The following GLIS3 variants were observed in gnomAD, a reference collection of about 807,000 sequenced individuals.
The protein encoded by GLIS3 is GLIS family zinc finger 3.
A neutral mutation model predicts 78.6 loss-of-function variants in GLIS3; 53 were observed. That is an observed-to-expected ratio of 0.67 (90% confidence interval 0.54 to 0.85). GLIS3 has a LOEUF of 0.85. GLIS3 is among the 40% of genes least tolerant of loss of function. The probability of loss-of-function intolerance (pLI) is 0.00; values close to 1 mark genes in which losing one functional copy is unlikely to be tolerated. For synonymous variants in GLIS3, 684 were observed against 509.9 expected (o/e 1.34, Z -4.60); for missense variants, 1,703 against 1,231.1 (o/e 1.38, Z -5.74).
chr9:4,457,733 C>T, the GLIS3 span, among the ~76,000 whole-genome samples: 1 of 151,738 alleles, frequency 6.6e-6, no homozygotes, highest in Non-Finnish European at 1.5e-5. Context: ...ATCTGTAGTC[C>T]CAGCTATTCG....
the GLIS3 span, among the ~76,000 whole-genome samples, chr9:4,373,914 C>A: frequency 6.6e-6 from 1 of 152,150 alleles, no homozygotes; most frequent in Non-Finnish European, 1.5e-5. Context: ...GATCTGCCTG[C>A]CTCGGCCTCC....
intron 1 of GLIS3, among the ~76,000 whole-genome samples, chr9:4,297,318 T>A (rs1202144748): frequency 1.3e-5 from 2 of 152,146 alleles, no homozygotes; most frequent in Non-Finnish European, 2.9e-5. Flanking sequence ...CCTGAGAACT[T>A]TAAGGGTCTG....
chr9:4,272,927 T>A (rs1826649135), intron 2 of GLIS3, among the ~76,000 whole-genome samples: 2 of 152,240 alleles, frequency 1.3e-5, no homozygotes, highest in South Asian at 4.1e-4. Flanking sequence ...CAACAAATTA[T>A]ATGATCACCC....
At chr9:4,266,188 G>C (rs1825991228) in intron 2 of GLIS3, among the ~76,000 whole-genome samples, 2 of 151,976 alleles carry the variant, frequency 1.3e-5, no homozygotes, top group African/African-American at 4.8e-5. Flanking sequence ...AAAGTGCTGA[G>C]ATTACAGGTG....
At chr9:4,319,287 A>C (rs919842524) in intron 2 of GLIS3, among the ~76,000 whole-genome samples, 2 of 152,172 alleles carry the variant, frequency 1.3e-5, no homozygotes, top group African/African-American at 4.8e-5. Context: ...ACATTCTAAA[A>C]TTTTATGGCC....
chr9:3,959,047 C>T (rs1817360748), intron 4 of GLIS3, among the ~76,000 whole-genome samples: 1 of 152,174 alleles, frequency 6.6e-6, no homozygotes, highest in South Asian at 2.1e-4. Flanking sequence ...TGAATATGGG[C>T]TTTTGCTGTG....
chr9:3,860,544 C>G (rs572104591), intron 8 of GLIS3, among the ~76,000 whole-genome samples: 16 of 152,032 alleles, frequency 1.1e-4, no homozygotes, highest in Admixed American at 6.6e-5. Flanking sequence ...CCAACTGAGA[C>G]ACGTAGACCC....
chr9:4,318,455 T>C (rs1817472128), intron 2 of GLIS3, among the ~76,000 whole-genome samples: 1 of 152,094 alleles, frequency 6.6e-6, no homozygotes, highest in Admixed American at 6.5e-5. Flanking sequence ...GCCGTAAGCA[T>C]CTTGTGACAG....
chr9:4,004,605 G>GAGC (rs1821394016), intron 4 of GLIS3, among the ~76,000 whole-genome samples: 2 of 152,180 alleles, frequency 1.3e-5, no homozygotes, highest in Admixed American at 1.3e-4. Flanking sequence ...TGGCATCACT[G>GAGC]AGCATCTCTA....
chr9:3,845,282 T>G (rs1818959502), intron 9 of GLIS3, among the ~76,000 whole-genome samples: 1 of 152,072 alleles, frequency 6.6e-6, no homozygotes, highest in Non-Finnish European at 1.5e-5. Context: ...TTTGACTAAG[T>G]TTAAAAAAAT....
chr9:4,384,602 G>A, the GLIS3 span, among the ~76,000 whole-genome samples: 214 of 147,586 alleles, frequency 1.4e-3, no homozygotes, highest in African/African-American at 4.9e-3. Context: ...ATATATTTAT[G>A]ACTCTCTAAT....
At chr9:3,834,660 G>C (rs958342074) in intron 9 of GLIS3, among the ~76,000 whole-genome samples, 7 of 152,076 alleles carry the variant, frequency 4.6e-5, no homozygotes, top group Non-Finnish European at 1.0e-4. Flanking sequence ...AATAATCTTA[G>C]GCTCCTGGCC....
intron 2 of GLIS3, among the ~76,000 whole-genome samples, chr9:4,230,525 T>C (rs1050980444): frequency 1.3e-5 from 2 of 151,978 alleles, no homozygotes; most frequent in East Asian, 3.9e-4. Context: ...GCCCCAGGGG[T>C]ATCAGCAGCT....
the GLIS3 span, among the ~76,000 whole-genome samples, chr9:4,461,213 G>C: frequency 6.6e-6 from 1 of 152,162 alleles, no homozygotes; most frequent in Non-Finnish European, 1.5e-5. Context: ...TATCAGGTGG[G>C]ACTACATTCT....
chr9:4,407,049 C>A, the GLIS3 span, among the ~76,000 whole-genome samples: 1 of 152,164 alleles, frequency 6.6e-6, no homozygotes, highest in Non-Finnish European at 1.5e-5. Context: ...AATTATACTA[C>A]AGAGCTTCTG....
intron 4 of GLIS3, chr9:4,071,804 T>C (rs1250343952): frequency 6.6e-6 from 1 of 152,198 alleles, no homozygotes; most frequent in Non-Finnish European, 1.5e-5. Context: ...ATTATTAAGG[T>C]GGTTTTATAA....
the GLIS3 span, among the ~76,000 whole-genome samples, chr9:4,374,560 T>A: frequency 9.1e-4 from 139 of 152,366 alleles, 1 homozygote; most frequent in Non-Finnish European, 1.6e-3. Context: ...ATGGCGGCTG[T>A]CTCTCTCACA....
chr9:3,965,188 C>CTTTTTTTTT lies in GLIS3; in HGVS notation c.1711-28000_1711-27999insAAAAAAAAA, dbSNP rs750454441. Among the ~76,000 whole-genome samples the CTTTTTTTTT allele has an allele frequency of 5.8e-3, 575 of 98,842 alleles. 33 individuals are homozygous for CTTTTTTTTT. The highest frequency in any genetic ancestry group is 0.014 in the African/African-American group (341 of 25,256). 64.8% of individuals were successfully genotyped at this position (98,842 alleles called of 152,430 possible). ...TACTTCTTTTCTATTTCTTTCTTTT[C>CTTTTTTTTT]TTTTCTTTTTTTTTTTTTTTTTTTG... On this transcript the variant is annotated intron_variant, in intron 4 of 10. Coordinates refer to ENST00000381971, the MANE Select transcript of GLIS3 (RefSeq NM_001042413.2).
At chr9:4,408,633 A>G in the GLIS3 span, among the ~76,000 whole-genome samples, 4 of 143,058 alleles carry the variant, frequency 2.8e-5, no homozygotes, top group African/African-American at 8.0e-5. Flanking sequence ...AGGCTGAGGC[A>G]GGAGAATGGC....
Sources: allele counts gnomAD v4.1 joint callset (sites outside exome capture counted in the v4.1 genomes callset), GRCh38; gene constraint gnomAD v4.1.1; transcripts MANE v1.5; gene names NCBI Gene and HGNC (gene_info 2026-07-23, HGNC 2026-07-21).